Variants in UNC13C observed in about 807,000 individuals in gnomAD.
UNC13C encodes the protein protein unc-13 homolog C.
In UNC13C, 174 loss-of-function variants were observed where a neutral mutation model predicts 245.4. That is an observed-to-expected ratio of 0.71 (90% confidence interval 0.63 to 0.80). UNC13C has a LOEUF of 0.80. Among genes scored for constraint, UNC13C ranks in the 30% least tolerant of loss-of-function variants. The pLI is 0.00. For synonymous variants in UNC13C, 992 were observed against 895.1 expected, an observed-to-expected ratio of 1.11 and a Z score of -1.93; for missense variants, 2,829 against 2,602.9, an observed-to-expected ratio of 1.09 and a Z score of -1.89.
At chr15:54,548,910 A>G (rs28409858) in intron 27 of UNC13C, among the ~76,000 whole-genome samples, 6,821 of 152,238 alleles carry the variant, frequency 0.045, 482 homozygotes, top group African/African-American at 0.15. Flanking sequence ...AACCACGGTC[A>G]CTATTCTCAA....
intron 17 of UNC13C, among the ~76,000 whole-genome samples, chr15:54,359,524 A>G (rs949258859): frequency 1.3e-5 from 2 of 151,810 alleles, no homozygotes; most frequent in Non-Finnish European, 2.9e-5. Context: ...CTTCCTTATT[A>G]TTAGTCTGTT....
At chr15:54,119,675 A>G (rs1489564388) in intron 2 of UNC13C, among the ~76,000 whole-genome samples, 1 of 152,208 alleles carries the variant, frequency 6.6e-6, no homozygotes, top group African/African-American at 2.4e-5. Context: ...TCGAAAGTCA[A>G]TAGGCTGAAA....
chr15:54,275,170 A>C lies in UNC13C; in HGVS notation c.3818+9674A>C, dbSNP rs200906030. Among the ~76,000 whole-genome samples, 7 of 152,194 alleles carry C rather than the reference A, an allele frequency of 4.6e-5. No homozygotes were observed. The East Asian group carries it at 1.2e-3, about 25-fold the overall frequency. On this transcript the variant is annotated intron_variant, in intron 10 of 32. Coordinates refer to ENST00000260323, the MANE Select transcript of UNC13C (RefSeq NM_001080534.3). ...TTGAATAAAAAAGCAACATGCAAGC[A>C]TATCCTGCCTGTAAGAAATACACTT...
At chr15:53,860,514 A>G in the UNC13C span, among the ~76,000 whole-genome samples, 2 of 152,062 alleles carry the variant, frequency 1.3e-5, no homozygotes, top group Non-Finnish European at 2.9e-5. Context: ...TTCTCATTCC[A>G]TTCTTGGCCA....
intron 1 of UNC13C, among the ~76,000 whole-genome samples, chr15:53,988,307 C>T (rs1194902382): frequency 6.6e-6 from 1 of 151,930 alleles, no homozygotes; most frequent in Non-Finnish European, 1.5e-5. Flanking sequence ...ATAGTTCTTA[C>T]ATAATTTTCT....
intron 19 of UNC13C, among the ~76,000 whole-genome samples, chr15:54,424,914 A>G (rs2040727871): frequency 6.6e-6 from 1 of 151,782 alleles, no homozygotes; most frequent in African/African-American, 2.4e-5. Flanking sequence ...CGTCTCCCCA[A>G]GAAACTTCAT....
the UNC13C span, among the ~76,000 whole-genome samples, chr15:53,921,874 A>G: frequency 6.6e-6 from 1 of 152,326 alleles, no homozygotes; most frequent in East Asian, 1.9e-4. Flanking sequence ...TTTCATTTAA[A>G]TGGGGTTTTT....
At chr15:54,361,104 C>T (rs1232353319) in intron 17 of UNC13C, among the ~76,000 whole-genome samples, 1 of 152,060 alleles carries the variant, frequency 6.6e-6, no homozygotes, top group Admixed American at 6.6e-5. Context: ...TTTGGTGAAA[C>T]TTAATTCACT....
intron 21 of UNC13C, among the ~76,000 whole-genome samples, 190 bp from the exon 22 acceptor site, chr15:54,500,645 C>T (rs983903652): frequency 8.6e-5 from 13 of 152,042 alleles, no homozygotes; most frequent in African/African-American, 3.1e-4. Flanking sequence ...CAGTAGCTTG[C>T]CCCATGATAT....
chr15:54,527,651 G>A (rs1895537419), intron 25 of UNC13C, among the ~76,000 whole-genome samples: 1 of 152,110 alleles, frequency 6.6e-6, no homozygotes, highest in Admixed American at 6.6e-5. Flanking sequence ...ATCCTTAGGA[G>A]GACACTTGAA....
At position 54,235,193 on chromosome 15, in the gene UNC13C, T is replaced by G. The variant is rs747390982; in HGVS notation, c.3150+85T>G. On this transcript the variant is annotated intron_variant, in intron 5 of 32. Transcript: ENST00000260323. ...TGTAATGTCCTTCTCATTCACTGTCTAGCCTGTAAATATTCCATGGAATAA... is the reference window on the plus strand; with the variant it reads ...TGTAATGTCCTTCTCATTCACTGTCGAGCCTGTAAATATTCCATGGAATAA... 677 of 1,138,496 alleles carry G rather than the reference T, an allele frequency of 5.9e-4. 1 individual carries two copies. The highest frequency in any genetic ancestry group is 8.2e-4 in the Non-Finnish European group (632 of 767,962). 70.5% of individuals were successfully genotyped at this position (1,138,496 alleles called of 1,614,324 possible). A position where few individuals can be genotyped will look rare whatever the true frequency, so the allele number is the denominator to read the frequency against.
At chr15:53,976,729 C>T (rs1337471966), upstream of UNC13C, 1 of 152,136 alleles carries the variant, frequency 6.6e-6, no homozygotes, top group African/African-American at 2.4e-5. Flanking sequence ...ACATCACTGA[C>T]ATTAAATCCA....
At chr15:53,974,043 T>C (rs947899110), upstream of UNC13C, among the ~76,000 whole-genome samples, 1 of 152,202 alleles carries the variant, frequency 6.6e-6, no homozygotes, top group Non-Finnish European at 1.5e-5. Flanking sequence ...TACAACCAGA[T>C]AAGTCTTGCA....
At chr15:54,221,272 A>G (rs1445775102) in intron 4 of UNC13C, among the ~76,000 whole-genome samples, 6 of 152,024 alleles carry the variant, frequency 3.9e-5, no homozygotes, top group Non-Finnish European at 4.4e-5. Flanking sequence ...ATGAAGAGAG[A>G]TGGTGTTATA....
At chr15:54,075,254 G>C (rs899161895) in intron 2 of UNC13C, among the ~76,000 whole-genome samples, 5 of 152,088 alleles carry the variant, frequency 3.3e-5, no homozygotes, top group African/African-American at 1.2e-4. Context: ...GAGAGGCCGA[G>C]GCGGGCGGAT....
chr15:54,283,401 T>G (rs947092561), intron 10 of UNC13C, among the ~76,000 whole-genome samples: 1 of 152,140 alleles, frequency 6.6e-6, no homozygotes, highest in African/African-American at 2.4e-5. Context: ...ATTATAAGTT[T>G]TTTTGTCTCA....
intron 4 of UNC13C, among the ~76,000 whole-genome samples, chr15:54,173,659 TAC>T (rs145006270): frequency 0.022 from 3,345 of 152,196 alleles, 135 homozygotes; most frequent in African/African-American, 0.076. Context: ...TATCCACAAA[TAC>T]AGTTTCATTA....
intron 2 of UNC13C, among the ~76,000 whole-genome samples, chr15:54,020,723 G>A (rs1895866047): frequency 6.6e-6 from 1 of 152,146 alleles, no homozygotes; most frequent in Admixed American, 6.5e-5. Flanking sequence ...AGGTATGTAT[G>A]AATTTAAAAT....
At chr15:54,379,665 A>C (rs1430118468) in intron 17 of UNC13C, among the ~76,000 whole-genome samples, 1 of 152,068 alleles carries the variant, frequency 6.6e-6, no homozygotes, top group Admixed American at 6.6e-5. Flanking sequence ...AATCAACTGT[A>C]TTTCTATCAA....
Sources: allele counts gnomAD v4.1 joint callset (sites outside exome capture counted in the v4.1 genomes callset), GRCh38; gene constraint gnomAD v4.1.1; transcripts MANE v1.5; gene names NCBI Gene and HGNC (gene_info 2026-07-23, HGNC 2026-07-21).